The following TBC1D22A variants were observed in gnomAD, a reference collection of about 807,000 sequenced individuals.
TBC1D22A encodes the protein TBC1 domain family member 22A.
A neutral mutation model predicts 60.2 loss-of-function variants in TBC1D22A; 38 were observed. The observed-to-expected ratio is 0.63, with a 90% confidence interval of 0.49 to 0.83. TBC1D22A has a LOEUF of 0.83. Among genes scored for constraint, TBC1D22A ranks in the 40% least tolerant of loss-of-function variants. The probability of loss-of-function intolerance (pLI) is 0.00; values close to 1 mark genes in which losing one functional copy is unlikely to be tolerated. For missense variants in TBC1D22A, 628 were observed against 701.0 expected, an observed-to-expected ratio of 0.90 and a Z score of 1.18; for synonymous variants, 302 against 281.7, an observed-to-expected ratio of 1.07 and a Z score of -0.72.
chr22:46,781,377 T>C (rs777727549), intron 1 of TBC1D22A, among the ~76,000 whole-genome samples: 2 of 152,152 alleles, frequency 1.3e-5, no homozygotes, highest in Non-Finnish European at 2.9e-5. Flanking sequence ...GGTTTCACCA[T>C]GTTGCCCGTG....
At chr22:47,067,111 C>T (rs551144866) in intron 11 of TBC1D22A, among the ~76,000 whole-genome samples, 1 of 152,246 alleles carries the variant, frequency 6.6e-6, no homozygotes, top group East Asian at 1.9e-4. Context: ...ACTAAAAATA[C>T]AAAAATTAGC....
chr22:46,874,716 GGT>G (rs2067464198), intron 4 of TBC1D22A, among the ~76,000 whole-genome samples: 2 of 151,818 alleles, frequency 1.3e-5, no homozygotes, highest in Admixed American at 6.6e-5. Context: ...TGGGATTACA[GGT>G]GCATGCCACC....
chr22:46,912,237 G>A (rs369229931), intron 8 of TBC1D22A, 49 bp downstream of exon 8: 3 of 1,298,460 alleles, frequency 2.3e-6, no homozygotes, highest in Non-Finnish European at 3.3e-6. Context: ...GACTTGCTGT[G>A]TGTTACTATG....
chr22:46,775,204 G>C (rs1156736640), intron 1 of TBC1D22A, among the ~76,000 whole-genome samples: 1 of 152,204 alleles, frequency 6.6e-6, no homozygotes, highest in Non-Finnish European at 1.5e-5. Context: ...AGGGGTGGCA[G>C]CTCCTCCGCG....
intron 4 of TBC1D22A, among the ~76,000 whole-genome samples, chr22:46,861,044 GCCTCC>G (rs1334082048): frequency 1.3e-5 from 2 of 152,112 alleles, no homozygotes; most frequent in Non-Finnish European, 2.9e-5. Context: ...CACTGTCTCT[GCCTCC>G]CGGGTTCAAG....
intron 4 of TBC1D22A, among the ~76,000 whole-genome samples, chr22:46,868,260 C>T (rs891567222): frequency 6.6e-6 from 1 of 152,110 alleles, no homozygotes; most frequent in East Asian, 1.9e-4. Context: ...ACAGATTGTC[C>T]TCACGAGTGG....
At chr22:46,770,863 G>A (rs1009050599) in intron 1 of TBC1D22A, among the ~76,000 whole-genome samples, 1 of 152,172 alleles carries the variant, frequency 6.6e-6, no homozygotes, top group Non-Finnish European at 1.5e-5. Context: ...GGGAAGCCCC[G>A]GAGTCTTGTT....
chr22:47,128,998 A>G (rs1442298468), intron 12 of TBC1D22A, among the ~76,000 whole-genome samples: 2 of 152,186 alleles, frequency 1.3e-5, no homozygotes, highest in Admixed American at 1.3e-4. Context: ...GTGCATGTCT[A>G]CGATGCCAGC....
At chr22:46,826,857 C>T (rs929856992) in intron 4 of TBC1D22A, among the ~76,000 whole-genome samples, 1 of 152,082 alleles carries the variant, frequency 6.6e-6, no homozygotes, top group Non-Finnish European at 1.5e-5. Context: ...AACTTGTGGA[C>T]GCTGTGCAGG....
intron 11 of TBC1D22A, among the ~76,000 whole-genome samples, chr22:47,062,418 C>T (rs895288160): frequency 6.6e-6 from 1 of 152,170 alleles, no homozygotes; most frequent in East Asian, 1.9e-4. Flanking sequence ...GGAAGCAGCA[C>T]GTGGCTGTCT....
At chr22:47,164,779 T>A (rs1452554514) in intron 12 of TBC1D22A, among the ~76,000 whole-genome samples, 1 of 152,192 alleles carries the variant, frequency 6.6e-6, no homozygotes, top group Admixed American at 6.5e-5. Flanking sequence ...TCGCCATGAT[T>A]TCATCTCAGC....
chr22:46,858,879 A>G (rs1301516032), intron 4 of TBC1D22A, among the ~76,000 whole-genome samples: 1 of 152,260 alleles, frequency 6.6e-6, no homozygotes, highest in Non-Finnish European at 1.5e-5. Context: ...TGTGTTGCAC[A>G]TGAGTGTTAA....
chr22:47,115,778 A>C (rs770493794), intron 12 of TBC1D22A: 1 of 152,278 alleles, frequency 6.6e-6, no homozygotes, highest in Non-Finnish European at 1.5e-5. Flanking sequence ...CCAGCATGTC[A>C]TGACCCACGC....
At chr22:47,156,859 T>C (rs1368799829) in intron 12 of TBC1D22A, among the ~76,000 whole-genome samples, 1 of 152,252 alleles carries the variant, frequency 6.6e-6, no homozygotes, top group Non-Finnish European at 1.5e-5. Context: ...CAGCAGGGTC[T>C]GCATGCTGCA....
chr22:46,893,264 C>G (rs2068497024), intron 6 of TBC1D22A, among the ~76,000 whole-genome samples: 1 of 152,218 alleles, frequency 6.6e-6, no homozygotes, highest in Non-Finnish European at 1.5e-5. Context: ...GTTAAACGTT[C>G]ATCTGGTCTG....
chr22:46,812,063 T>A (rs1349894070), intron 4 of TBC1D22A, among the ~76,000 whole-genome samples: 2 of 152,078 alleles, frequency 1.3e-5, no homozygotes, highest in East Asian at 3.9e-4. Context: ...TCCCAGAAGG[T>A]TTTGGGCAGG....
At chr22:46,813,972 C>A (rs2085487106) in intron 4 of TBC1D22A, among the ~76,000 whole-genome samples, 1 of 152,260 alleles carries the variant, frequency 6.6e-6, no homozygotes, top group Admixed American at 6.5e-5. Flanking sequence ...CCTGGTGCTC[C>A]TTCCAGGAGC....
chr22:46,972,301 C>T (rs528286039), intron 8 of TBC1D22A, among the ~76,000 whole-genome samples: 1 of 152,310 alleles, frequency 6.6e-6, no homozygotes, highest in East Asian at 1.9e-4. Context: ...AGGTCTCTCA[C>T]TCATGTCTGT....
intron 1 of TBC1D22A, among the ~76,000 whole-genome samples, chr22:46,778,198 CTG>C (rs769010505): frequency 2.6e-5 from 4 of 152,078 alleles, no homozygotes; most frequent in Non-Finnish European, 5.9e-5. Flanking sequence ...TGGGTCCTCA[CTG>C]TGCATCGTGT....
Sources: allele counts gnomAD v4.1 joint callset (sites outside exome capture counted in the v4.1 genomes callset), GRCh38; gene constraint gnomAD v4.1.1; transcripts MANE v1.5; gene names NCBI Gene and HGNC (gene_info 2026-07-23, HGNC 2026-07-21).